The following MYH2 variants were observed in gnomAD, a reference collection of about 807,000 sequenced individuals.
MYH2 encodes the protein myosin-2.
A neutral mutation model predicts 228.1 loss-of-function variants in MYH2; 139 were observed. That is an observed-to-expected ratio of 0.61 (90% CI 0.53 to 0.70). The LOEUF is 0.70. Among genes scored for constraint, MYH2 ranks in the 30% least tolerant of loss-of-function variants. The probability of loss-of-function intolerance (pLI) is 0.00; values close to 1 mark genes in which losing one functional copy is unlikely to be tolerated. For synonymous variants in MYH2, 796 were observed against 871.1 expected (o/e 0.91, Z 1.52); for missense variants, 1,809 against 2,357.5 (o/e 0.77, Z 4.82).
In MYH2 at chr17:10,525,388, CAT is replaced by C. The variant is rs2073338483; in HGVS notation, c.4538-42_4538-41del. On this transcript the variant is annotated intron_variant, in intron 32 of 39. Transcript: ENST00000245503. The surrounding 1 kb of genome is among the most constrained non-coding windows in gnomAD (Gnocchi z 4.2). ...AAAGACAGGTAGGGATTTGGTTAAA[CAT>C]GTGACATAAGGGAGAGATTCTTCCA... The C allele has an allele frequency of 6.2e-7, 1 of 1,614,040 alleles. No individual in the cohort carries two copies. Among genetic ancestry groups the C allele is most frequent in the African/African-American group, 1.3e-5 (1 of 74,918 alleles).
intron 16 of MYH2, 98 bp from the exon 17 acceptor site, chr17:10,536,704 C>G: frequency 8.8e-7 from 1 of 1,139,880 alleles, no homozygotes; most frequent in Non-Finnish European, 1.3e-6. Context: ...AGCCTTTTTT[C>G]TACCCAGCTG....
chr17:10,535,182 C>T lies in MYH2; in HGVS notation c.2071G>A (p.Glu691Lys), dbSNP rs972757672. The stretch of plus-strand genomic sequence containing the variant: ...AGCTGGTGGAGGACAAGCTCATGCT[C>T]CATGGCACCTAAAAATGCATATTTA... ...PNETKTPGAM[E>K]HELVLHQLRC... The change falls in exon 19 of 40, where the codon GAG (glutamate) becomes AAG (lysine). Residue 691 changes from glutamate (E) to lysine (K), a missense_variant. This residue lies in a region of MYH2 where 276 missense variants were observed against 344.2 expected (regional missense o/e 0.80). Coordinates refer to ENST00000245503, the MANE Select transcript of MYH2 (RefSeq NM_017534.6). 2 of 1,614,022 alleles carry T rather than the reference C, an allele frequency of 1.2e-6. No homozygotes were observed. The highest frequency in any genetic ancestry group is 2.7e-5 in the African/African-American group (2 of 74,898).
At position 10,537,985 on chromosome 17, in the gene MYH2, GA is replaced by G; in HGVS notation, c.1417-151del. The G allele has an allele frequency of 7.1e-7, 1 of 1,407,734 alleles. No homozygotes were observed. Among genetic ancestry groups the G allele is most frequent in the Non-Finnish European group, 9.6e-7 (1 of 1,041,588 alleles). 87.2% of individuals were successfully genotyped at this position (1,407,734 alleles called of 1,614,324 possible). On this transcript the variant is annotated intron_variant, in intron 14 of 39. Transcript: ENST00000245503. The surrounding 1 kb of genome is among the most constrained non-coding windows in gnomAD (Gnocchi z 4.0). ...TTAAAGAGACTTTGAAATAAAAGGTGAAAAGTATGGAAGGTTTGAGGGCATG... is the reference window on the plus strand; with the variant it reads ...TTAAAGAGACTTTGAAATAAAAGGTGAAAGTATGGAAGGTTTGAGGGCATG...
rs750232956 is a variant in MYH2, at chr17:10,544,125, G to C, written c.508C>G (p.Arg170Gly). 3.7e-6 allele frequency: 6 copies of C among 1,613,316 alleles called. No homozygotes were observed. The highest frequency in any genetic ancestry group is 4.2e-6 in the Non-Finnish European group (5 of 1,179,562). ...DNAYQFMLTD[R>G]ENQSILITGE... Reference sequence around the variant, plus strand: ...GTGATCAGGATTGACTGATTCTCTCGGTCTACAAAAGAAATTATAGACATT... The same window carrying C: ...GTGATCAGGATTGACTGATTCTCTCCGTCTACAAAAGAAATTATAGACATT... The change falls in exon 6 of 40, where the codon CGA (arginine) becomes GGA (glycine). Residue 170 changes from arginine (R) to glycine (G), a missense_variant and splice_region_variant. Arg to Gly is a moderately radical substitution (Grantham distance 125). Transcript: ENST00000245503.
intron 21 of MYH2, among the ~76,000 whole-genome samples, chr17:10,532,273 A>G (rs1405766572): frequency 6.6e-6 from 1 of 152,190 alleles, no homozygotes; most frequent in Non-Finnish European, 1.5e-5. Flanking sequence ...GCTGTATGTC[A>G]GTGCTTCTCA....
Position 10,531,714 on chromosome 17 carries a change from T to C in MYH2, c.2616A>G (p.Ser872=). ...CTTCCAGTTCCTTCCTTTTTGCCTC[T>C]GACTTGGCAAGTTCGTCTTTAATTT... ...FQKIKDELAK[S]EAKRKELEEK... is the part of the protein sequence containing the mutation. Residue 872 remains serine (S), a synonymous_variant, in exon 22 of 40, where the codon TCA becomes TCG. Coordinates refer to ENST00000245503, the MANE Select transcript of MYH2 (RefSeq NM_017534.6). The C allele has an allele frequency of 6.2e-7, 1 of 1,614,240 alleles. No individual in the cohort carries two copies. Among genetic ancestry groups the C allele is most frequent in the South Asian group, 1.1e-5 (1 of 91,084 alleles).
At chr17:10,545,852 C>G (rs1360819597) in intron 4 of MYH2, among the ~76,000 whole-genome samples, 1 of 152,128 alleles carries the variant, frequency 6.6e-6, no homozygotes, top group Non-Finnish European at 1.5e-5. Flanking sequence ...TTCAAGGCAT[C>G]AGCTTGAAAA....
intron 39 of MYH2, among the ~76,000 whole-genome samples, chr17:10,522,089 A>C (rs2073291636): frequency 1.3e-5 from 2 of 152,228 alleles, no homozygotes; most frequent in South Asian, 4.1e-4. Flanking sequence ...TCTCTTGGGC[A>C]GGTTTTGGTA....
Position 10,523,315 on chromosome 17 carries a change from G to A in MYH2, c.5570C>T (p.Thr1857Ile), listed in dbSNP as rs2073307138. The A allele has an allele frequency of 6.2e-7, 1 of 1,614,068 alleles. No homozygotes were observed. Among genetic ancestry groups the A allele is most frequent in the African/African-American group, 1.3e-5 (1 of 74,928 alleles). The change falls in exon 38 of 40, where the codon ACT (threonine) becomes ATT (isoleucine). Residue 1857 changes from threonine to isoleucine, a missense_variant. Transcript: ENST00000245503. ...RKHERRVKEL[T>I]YQTEEDRKNI... The stretch of plus-strand genomic sequence containing the variant: ...AAAAACTACTGGCTGTACCTGGTAA[G>A]TGAGTTCCTTCACTCGCCTCTCATG...
rs780430498 is a variant in MYH2, at chr17:10,531,706, T to C, written c.2624A>G (p.Lys875Arg). The C allele has an allele frequency of 1.2e-6, 2 of 1,614,234 alleles. No homozygotes were observed. Among genetic ancestry groups the C allele is most frequent in the Non-Finnish European group, 1.7e-6 (2 of 1,180,038 alleles). ...IKDELAKSEA[K>R]RKELEEKMVT... ...CATCTTTTCTTCCAGTTCCTTCCTT[T>C]TTGCCTCTGACTTGGCAAGTTCGTC... Residue 875 changes from lysine to arginine, a missense_variant, in exon 22 of 40, where the codon AAA becomes AGA. Around this residue, in one of 9 missense-constraint regions of MYH2, gnomAD observed 276 missense variants for 344.2 expected, o/e 0.80. Coordinates refer to ENST00000245503, the MANE Select transcript of MYH2 (RefSeq NM_017534.6).
At chr17:10,529,298 GT>G in intron 25 of MYH2, 37 bp downstream of exon 25, 1 of 1,613,970 alleles carries the variant, frequency 6.2e-7, no homozygotes, top group South Asian at 1.1e-5. Flanking sequence ...CGTATCTAAT[GT>G]TGGAAGCAAA....
Position 10,543,067 on chromosome 17 carries a change from G to C in MYH2, c.805+31C>G, listed in dbSNP as rs757819776. On this transcript the variant is annotated intron_variant, in intron 9 of 39. Coordinates refer to ENST00000245503, the MANE Select transcript of MYH2 (RefSeq NM_017534.6). ...TCAGTTTTTTAGGTCATATGAATCAGAAATGATTTTAAAGATATCTGAACA... is the reference window on the plus strand; with the variant it reads ...TCAGTTTTTTAGGTCATATGAATCACAAATGATTTTAAAGATATCTGAACA... The C allele has an allele frequency of 2.5e-6, 4 of 1,601,008 alleles. No homozygotes were observed. The Admixed American group carries it at 6.7e-5, about 27-fold the overall frequency.
Position 10,525,357 on chromosome 17 carries a change from TGAGTAAAA to T in MYH2, c.4538-17_4538-10del. The stretch of plus-strand genomic sequence containing the variant: ...GAGGTCAGAAATCTCCTCTGTTGTT[TGAGTAAAA>T]GACAGGTAGGGATTTGGTTAAACAT... On this transcript the variant is annotated splice_polypyrimidine_tract_variant and intron_variant, in intron 32 of 39. Coordinates refer to ENST00000245503, the MANE Select transcript of MYH2 (RefSeq NM_017534.6). This position sits in a 1 kb window ranked among gnomAD's most constrained non-coding sequence, Gnocchi z 4.2. 1 of 1,614,164 alleles carries T rather than the reference TGAGTAAAA, an allele frequency of 6.2e-7. No individual in the cohort carries two copies. Among genetic ancestry groups the T allele is most frequent in the Non-Finnish European group, 8.5e-7 (1 of 1,180,018 alleles).
At chr17:10,544,037 C>T (rs771346069) in intron 6 of MYH2, 21 bp from the exon 7 acceptor site, 1 of 1,614,044 alleles carries the variant, frequency 6.2e-7, no homozygotes, top group Admixed American at 1.7e-5. Flanking sequence ...AAAACTCAAT[C>T]AGATGTGGTC....
intron 19 of MYH2, 159 bp downstream of exon 19, chr17:10,534,914 C>G: frequency 1.1e-6 from 1 of 930,194 alleles, no homozygotes; most frequent in South Asian, 1.5e-5. Flanking sequence ...AAGACTTTGT[C>G]TCAAAACAAA....
In MYH2 at chr17:10,529,182, T is replaced by C. The variant is rs150830535; in HGVS notation, c.3334A>G (p.Lys1112Glu). Reference sequence around the variant, plus strand: ...CTTACTTGCAATTCTTTAATTTTCTTCTGCAATTGAATGCCAAGTGCCTGT... The same window carrying C: ...CTTACTTGCAATTCTTTAATTTTCTCCTGCAATTGAATGCCAAGTGCCTGT... ...DEQALGIQLQKKIKELQARIE... is the reference protein window; with the variant it reads ...DEQALGIQLQEKIKELQARIE... The change falls in exon 26 of 40, where the codon AAG becomes GAG. Residue 1112 changes from lysine to glutamate, a missense_variant. This residue lies in a region of MYH2 where 636 missense variants were observed against 729.9 expected (regional missense o/e 0.87). Transcript: ENST00000245503. 1.8e-5 allele frequency: 29 copies of C among 1,614,250 alleles called. No individual in the cohort carries two copies. The East Asian group carries it at 6.5e-4, about 36-fold the overall frequency.
At position 10,528,879 on chromosome 17, in the gene MYH2, C is replaced by T. The variant is rs1402858345; in HGVS notation, c.3555G>A (p.Glu1185=). The part of the protein sequence containing the change: ...AEFQKMRRDL[E]EATLQHEATA... ...TGGCTTCATGCTGTAGGGTGGCCTC[C>T]TCCAGGTCCCTGCGCATTTTCTGGA... is the stretch of plus-strand genomic sequence containing the variant. The change falls in exon 27 of 40, where the codon GAG becomes GAA. Residue 1185 remains glutamate, a synonymous_variant. Coordinates refer to ENST00000245503, the MANE Select transcript of MYH2 (RefSeq NM_017534.6). The T allele has an allele frequency of 6.2e-7, 1 of 1,614,102 alleles. No homozygotes were observed. The highest frequency in any genetic ancestry group is 1.3e-5 in the African/African-American group (1 of 74,942).
chr17:10,524,287 A>G lies in MYH2; in HGVS notation c.5175+179T>C, dbSNP rs1389544690. ...AGAATATTATATGAAGCAAATCAAC[A>G]ATAGTTTTTCAAAGCAAAACAGTGA... On this transcript the variant is annotated intron_variant, in intron 35 of 39. Coordinates refer to ENST00000245503, the MANE Select transcript of MYH2 (RefSeq NM_017534.6). This position sits in a 1 kb window ranked among gnomAD's most constrained non-coding sequence, Gnocchi z 4.7. Among the ~76,000 whole-genome samples, 1 of 152,238 alleles carries G rather than the reference A, an allele frequency of 6.6e-6. No homozygotes were observed. Among genetic ancestry groups the G allele is most frequent in the Non-Finnish European group, 1.5e-5 (1 of 68,048 alleles).
At position 10,521,329 on chromosome 17, in the gene MYH2, A is replaced by G. The variant is rs756130400; in HGVS notation, c.5777T>C (p.Leu1926Pro). Residue 1926 changes from leucine (L) to proline (P), a missense_variant, in exon 40 of 40, where the codon CTG (leucine) becomes CCG (proline). Transcript: ENST00000245503. ...GTGAACCTCCCGGCTCTTCACCCGC[A>G]GTTTGTTCACCTGGGACTCAGCAAT... ...ADIAESQVNKLRVKSREVHTK... is the reference protein window; with the variant it reads ...ADIAESQVNKPRVKSREVHTK... The G allele has an allele frequency of 6.2e-7, 1 of 1,614,128 alleles. No homozygotes were observed. Among genetic ancestry groups the G allele is most frequent in the South Asian group, 1.1e-5 (1 of 91,088 alleles).
Sources: allele counts gnomAD v4.1 joint callset (sites outside exome capture counted in the v4.1 genomes callset), GRCh38; gene constraint gnomAD v4.1.1; regional missense constraint gnomAD v4.1.1; non-coding constraint Gnocchi (gnomAD v3.1); transcripts MANE v1.5; gene names NCBI Gene and HGNC (gene_info 2026-07-23, HGNC 2026-07-21).